The following ZNF91 variants were observed in gnomAD, a reference collection of about 807,000 sequenced individuals.
ZNF91 encodes zinc finger protein 91, also known as zinc finger protein 91 (HPF7, HTF10).
Under a neutral mutation model 12.6 loss-of-function variants are expected in ZNF91, and 7 were observed. The observed-to-expected ratio is 0.55, with a 90% CI of 0.31 to 1.04. The LOEUF (loss-of-function observed/expected upper bound fraction) is 1.04, where lower values mean the gene tolerates loss of function less well. Ranked by LOEUF, ZNF91 falls within the 50% of genes least tolerant of loss-of-function variation. The probability of loss-of-function intolerance (pLI) is 0.05; values close to 1 mark genes in which losing one functional copy is unlikely to be tolerated. For missense variants in ZNF91, 1,217 were observed against 1,385.4 expected (o/e 0.88, Z 1.93); for synonymous variants, 453 against 462.6 (o/e 0.98, Z 0.27).
intron 3 of ZNF91, 97 bp downstream of exon 3, chr19:23,373,645 C>A: frequency 1.0e-6 from 1 of 955,258 alleles, no homozygotes. Flanking sequence ...AAACTATTTC[C>A]TTTGGAACAC....
downstream of ZNF91, among the ~76,000 whole-genome samples, chr19:23,356,365 T>C (rs1161568095): frequency 3.3e-5 from 5 of 152,086 alleles, no homozygotes; most frequent in African/African-American, 9.7e-5. Flanking sequence ...AATGTATATA[T>C]ACACACACAT....
At chr19:23,374,181 G>A (rs2145097592) in intron 2 of ZNF91, among the ~76,000 whole-genome samples, 1 of 152,104 alleles carries the variant, frequency 6.6e-6, no homozygotes, top group Non-Finnish European at 1.5e-5. Flanking sequence ...GAAACATCTT[G>A]AGGAAATTCT....
chr19:23,311,711 C>T (rs1328393933), upstream of ZNF91, among the ~76,000 whole-genome samples: 1 of 152,130 alleles, frequency 6.6e-6, no homozygotes. Flanking sequence ...CATCACTGAG[C>T]CTGCTCAGCA....
Position 23,395,232 on chromosome 19 carries a change from C to A in ZNF91, c.30+93G>T. 4 of 1,496,836 alleles carry A rather than the reference C, an allele frequency of 2.7e-6. No individual in the cohort carries two copies. The African/African-American group carries it at 4.2e-5, about 16-fold the overall frequency. 92.7% of individuals were successfully genotyped at this position (1,496,836 alleles called of 1,614,324 possible). A position where few individuals can be genotyped will look rare whatever the true frequency, so the allele number is the denominator to read the frequency against. ...ACCCGGGCACGGATTGTGGAGCTGA[C>A]TGAAGGAAGGCCTGAGGCTCGCCAC... On this transcript the variant is annotated intron_variant, in intron 1 of 3. Transcript: ENST00000300619.
intron 1 of ZNF91, among the ~76,000 whole-genome samples, chr19:23,378,092 C>G (rs757579003): frequency 1.9e-4 from 29 of 152,178 alleles, no homozygotes; most frequent in Middle Eastern, 3.2e-3. Context: ...GAATCAACTA[C>G]TGTATCTGCA....
At chr19:23,336,905 T>C (rs1436254618), downstream of ZNF91, among the ~76,000 whole-genome samples, 1 of 152,196 alleles carries the variant, frequency 6.6e-6, no homozygotes, top group African/African-American at 2.4e-5. Flanking sequence ...GTATCAATAA[T>C]AGTTAATGTC....
At chr19:23,370,187 G>A (rs998354618) in intron 3 of ZNF91, among the ~76,000 whole-genome samples, 12 of 151,344 alleles carry the variant, frequency 7.9e-5, no homozygotes, top group Non-Finnish European at 1.6e-4. Context: ...AGACCCTGAA[G>A]ACATATTTGA....
chr19:23,377,493 T>C (rs12979779), intron 1 of ZNF91, among the ~76,000 whole-genome samples: 27,396 of 152,168 alleles, frequency 0.18, 2,663 homozygotes, highest in Non-Finnish European at 0.21. Flanking sequence ...AATGTGATTC[T>C]GCAGGTTTGG....
At position 23,374,719 on chromosome 19, in the gene ZNF91, C is replaced by G. The variant is rs1277621264; in HGVS notation, c.76G>C (p.Glu26Gln). 1 of 1,613,062 alleles carries G rather than the reference C, an allele frequency of 6.2e-7. No homozygotes were observed. The highest frequency in any genetic ancestry group is 8.5e-7 in the Non-Finnish European group (1 of 1,179,508). ...RDVAIEFSPE[E>Q]WQCLDTAQQN... is the part of the protein sequence containing the mutation. ...TGTGCAGTGTCCAGACATTGCCACT[C>G]CTCCGGAGAGAATTCTATGGCCACA... is the stretch of plus-strand genomic sequence containing the variant. Residue 26 changes from glutamate to glutamine, a missense_variant, in exon 2 of 4, where the codon GAG becomes CAG. Coordinates refer to ENST00000300619, the MANE Select transcript of ZNF91 (RefSeq NM_003430.4).
At chr19:23,316,905 C>G (rs1396567381) in intron 1 of ZNF91, among the ~76,000 whole-genome samples, 1 of 152,156 alleles carries the variant, frequency 6.6e-6, no homozygotes, top group Non-Finnish European at 1.5e-5. Context: ...TTCACCCTTA[C>G]ACGTGGACAG....
At chr19:23,321,035 T>C (rs1160059248) in intron 1 of ZNF91, among the ~76,000 whole-genome samples, 2 of 152,174 alleles carry the variant, frequency 1.3e-5, no homozygotes, top group Admixed American at 1.3e-4. Flanking sequence ...CAGTTCACAG[T>C]TGAGATTGTG....
At chr19:23,306,316 T>TCA (rs1967398209) in intron 3 of ZNF91, among the ~76,000 whole-genome samples, 2 of 152,222 alleles carry the variant, frequency 1.3e-5, no homozygotes, top group Non-Finnish European at 2.9e-5. Context: ...GTGATTGTGA[T>TCA]ATATGCACCT....
rs191605249 is a variant in ZNF91, at chr19:23,374,350, T to C, written c.157+288A>G. ...TGAGGTCAGGAGATCGAGACCATCC[T>C]GTCTAACACAGTGAAACCCCGTCTC... is the stretch of plus-strand genomic sequence containing the variant. On this transcript the variant is annotated intron_variant, in intron 2 of 3. Transcript: ENST00000300619. Among the ~76,000 whole-genome samples the C allele has an allele frequency of 2.7e-3, 403 of 147,056 alleles. 3 individuals carry two copies. The highest frequency in any genetic ancestry group is 9.6e-3 in the African/African-American group (382 of 39,734).
intron 3 of ZNF91, among the ~76,000 whole-genome samples, chr19:23,347,727 G>C (rs1382633453): frequency 2.6e-5 from 4 of 152,058 alleles, no homozygotes; most frequent in Admixed American, 1.3e-4. Context: ...CCGTGTTTGA[G>C]AGATTACCCA....
chr19:23,383,747 C>T (rs899402413), intron 1 of ZNF91, among the ~76,000 whole-genome samples: 2 of 151,308 alleles, frequency 1.3e-5, no homozygotes, highest in African/African-American at 4.8e-5. Context: ...GCAAAAGATG[C>T]CTTCTCTTAA....
intron 1 of ZNF91, among the ~76,000 whole-genome samples, chr19:23,323,012 CCT>C (rs768955605): frequency 6.7e-5 from 10 of 149,092 alleles, no homozygotes; most frequent in South Asian, 2.2e-4. Context: ...TCCTCCTTTT[CCT>C]CTTTTTCTCC....
downstream of ZNF91, among the ~76,000 whole-genome samples, chr19:23,337,392 C>A (rs1026355653): frequency 2.0e-5 from 3 of 150,652 alleles, no homozygotes; most frequent in Non-Finnish European, 2.9e-5. Flanking sequence ...TGAAGAAACT[C>A]ATACAGAGTC....
At chr19:23,374,810 C>T in intron 1 of ZNF91, 46 bp from the exon 2 acceptor site, 1 of 1,591,376 alleles carries the variant, frequency 6.3e-7, no homozygotes, top group African/African-American at 1.3e-5. Context: ...TGGCTATGGG[C>T]AGAATTTTTC....
chr19:23,341,790 C>T lies in ZNF91; in HGVS notation c.254-2736G>A, dbSNP rs180949110. ...AACAAATCTTAATATCACCACTCCT[C>T]TTACACATTTCAGACATGATGGGAA... On this transcript the variant is annotated intron_variant, in intron 3 of 3. Coordinates refer to the ZNF91 transcript ENST00000599743. Among the ~76,000 whole-genome samples the T allele has an allele frequency of 2.6e-5, 4 of 152,292 alleles. No individual in the cohort carries two copies. In the East Asian group the frequency reaches 7.7e-4, roughly 29 times the overall value.
Sources: gnomAD v4.1 joint callset for allele counts (sites outside exome capture counted in the v4.1 genomes callset) on GRCh38, gnomAD v4.1.1 for gene constraint, MANE v1.5 for transcripts, NCBI Gene and HGNC (gene_info 2026-07-23, HGNC 2026-07-21) for gene names.